Variants in DAB1 observed in about 807,000 individuals in gnomAD.
DAB1 encodes the protein disabled homolog 1.
In DAB1, 15 loss-of-function variants were observed where a neutral mutation model predicts 64.6. The observed-to-expected ratio is 0.23, with a 90% CI of 0.16 to 0.36. The LOEUF is 0.36. Among genes scored for constraint, DAB1 ranks in the 10% least tolerant of loss-of-function variants. The pLI, the probability that DAB1 is intolerant of heterozygous loss-of-function variation, is 1.00. For synonymous variants in DAB1, 235 were observed against 251.9 expected (o/e 0.93, Z 0.64); for missense variants, 596 against 706.7 (o/e 0.84, Z 1.78).
intron 4 of DAB1, among the ~76,000 whole-genome samples, chr1:58,167,013 G>C (rs1332241886): frequency 2.7e-5 from 4 of 150,354 alleles, no homozygotes; most frequent in East Asian, 3.9e-4. Context: ...TCCTAAAAGT[G>C]CTAGGAATAT....
chr1:57,866,849 T>C (rs995789955), intron 1 of DAB1, among the ~76,000 whole-genome samples: 3 of 152,202 alleles, frequency 2.0e-5, no homozygotes, highest in Admixed American at 6.5e-5. Flanking sequence ...ATCGTATTTA[T>C]GAACTCCCTG....
intron 7 of DAB1, among the ~76,000 whole-genome samples, chr1:57,646,166 C>T (rs749849652): frequency 8.5e-5 from 13 of 152,136 alleles, no homozygotes; most frequent in Non-Finnish European, 1.3e-4. Flanking sequence ...CAAATTAAAA[C>T]AATACAATAA....
intron 6 of DAB1, among the ~76,000 whole-genome samples, chr1:57,715,556 C>T (rs1054494346): frequency 7.2e-5 from 11 of 152,090 alleles, no homozygotes; most frequent in African/African-American, 2.2e-4. Flanking sequence ...GAAGACTCCA[C>T]CAAAAGACTG....
intron 4 of DAB1, among the ~76,000 whole-genome samples, chr1:57,110,107 A>G (rs1047033586): frequency 6.6e-6 from 1 of 152,190 alleles, no homozygotes; most frequent in Non-Finnish European, 1.5e-5. Context: ...AAGTGGCCAC[A>G]TGTGTCTGTT....
intron 5 of DAB1, among the ~76,000 whole-genome samples, chr1:58,037,715 T>C (rs955805047): frequency 6.6e-6 from 1 of 152,122 alleles, no homozygotes; most frequent in Non-Finnish European, 1.5e-5. Context: ...ACTGCTGCCT[T>C]ATGGGATTAG....
At chr1:57,467,372 C>A (rs1686986979) in intron 7 of DAB1, among the ~76,000 whole-genome samples, 1 of 152,184 alleles carries the variant, frequency 6.6e-6, no homozygotes, top group African/African-American at 2.4e-5. Context: ...CAGTACCTTA[C>A]TACTCAACTG....
chr1:57,605,579 T>C (rs1226851201), intron 7 of DAB1, among the ~76,000 whole-genome samples: 1 of 152,210 alleles, frequency 6.6e-6, no homozygotes, highest in African/African-American at 2.4e-5. Flanking sequence ...TTACTCCAAG[T>C]GCAAGTTCCA....
At chr1:57,007,413 G>A (rs912530037) in intron 14 of DAB1, among the ~76,000 whole-genome samples, 14 of 152,136 alleles carry the variant, frequency 9.2e-5, no homozygotes, top group Non-Finnish European at 1.5e-5. Flanking sequence ...TAAATTACCT[G>A]CCATTCCCAT....
chr1:57,911,287 A>T (rs1315680695), intron 5 of DAB1, among the ~76,000 whole-genome samples: 2 of 152,102 alleles, frequency 1.3e-5, no homozygotes, highest in Non-Finnish European at 2.9e-5. Context: ...CTCAGGTCCC[A>T]TTTCTGCCTG....
At chr1:58,253,460 A>G (rs1660851618) in intron 4 of DAB1, among the ~76,000 whole-genome samples, 1 of 152,224 alleles carries the variant, frequency 6.6e-6, no homozygotes. Context: ...AAAGTGTGTC[A>G]CTGAATGTGG....
intron 9 of DAB1, among the ~76,000 whole-genome samples, chr1:57,056,539 A>G (rs1316303805): frequency 1.3e-5 from 2 of 151,652 alleles, no homozygotes; most frequent in African/African-American, 4.8e-5. Flanking sequence ...AGAAAAGAAA[A>G]GAAAACAAAT....
At chr1:57,706,000 A>G (rs1646962571) in intron 6 of DAB1, among the ~76,000 whole-genome samples, 1 of 150,794 alleles carries the variant, frequency 6.6e-6, no homozygotes, top group Non-Finnish European at 1.5e-5. Flanking sequence ...TTTCAAATAT[A>G]TAATTTAAGG....
At chr1:58,067,907 G>C (rs1648961217) in intron 5 of DAB1, among the ~76,000 whole-genome samples, 1 of 152,180 alleles carries the variant, frequency 6.6e-6, no homozygotes, top group Non-Finnish European at 1.5e-5. Flanking sequence ...AAAGCATTTA[G>C]GACAGTGCCT....
chr1:57,350,838 C>T (rs548511221), intron 1 of DAB1, among the ~76,000 whole-genome samples: 1 of 152,282 alleles, frequency 6.6e-6, no homozygotes, highest in Admixed American at 6.5e-5. Flanking sequence ...CTAACCACAG[C>T]CTGTGCGTTT....
chr1:57,913,139 A>C (rs1238298806), intron 5 of DAB1, among the ~76,000 whole-genome samples: 1 of 152,232 alleles, frequency 6.6e-6, no homozygotes, highest in Non-Finnish European at 1.5e-5. Context: ...TTGCCAAATC[A>C]ATCCTAAGCC....
intron 11 of DAB1, among the ~76,000 whole-genome samples, chr1:57,019,743 AC>A (rs1382121490): frequency 7.9e-5 from 12 of 152,196 alleles, no homozygotes; most frequent in African/African-American, 2.9e-4. Flanking sequence ...GGGAGGAGGT[AC>A]TAAGGAGCAT....
chr1:57,687,612 A>G (rs538666983), intron 6 of DAB1, among the ~76,000 whole-genome samples: 38 of 149,474 alleles, frequency 2.5e-4, no homozygotes, highest in East Asian at 2.5e-3. Flanking sequence ...AAAAAAAAAA[A>G]AAAAAAAGAA....
intron 7 of DAB1, among the ~76,000 whole-genome samples, chr1:57,478,202 T>C (rs1367315734): frequency 2.0e-5 from 3 of 152,178 alleles, no homozygotes; most frequent in African/African-American, 4.8e-5. Flanking sequence ...ATGCGCTAAC[T>C]GTAAGCATTC....
Position 58,454,290 on chromosome 1 carries a change from G to T in DAB1, n.257+51770C>A, listed in dbSNP as rs781627951. On this transcript the variant is annotated intron_variant and non_coding_transcript_variant, in intron 3 of 20. Transcript: ENST00000485760. The stretch of plus-strand genomic sequence containing the variant: ...GCTACAAACACACAGCTCTCCCTGG[G>T]ATGCAAAGTCAAGACTACACGTCCA... Among the ~76,000 whole-genome samples the T allele has an allele frequency of 2.9e-4, 44 of 152,262 alleles. No individual in the cohort carries two copies. The Middle Eastern group carries it at 0.01, about 35-fold the overall frequency.
Sources: gnomAD v4.1 joint callset for allele counts (sites outside exome capture counted in the v4.1 genomes callset) on GRCh38, gnomAD v4.1.1 for gene constraint, MANE v1.5 for transcripts, NCBI Gene and HGNC (gene_info 2026-07-23, HGNC 2026-07-21) for gene names.